Variants in NAV3 observed in about 807,000 individuals in gnomAD.
NAV3 encodes the protein neuron navigator 3.
NAV3 carries 87 observed loss-of-function variants against 244.7 expected under a neutral mutation model. The observed-to-expected ratio is 0.36, with a 90% confidence interval of 0.30 to 0.42. NAV3 has a LOEUF of 0.42. Among genes scored for constraint, NAV3 ranks in the 20% least tolerant of loss-of-function variants. NAV3 has a pLI of 1.00. For missense variants in NAV3, 2,663 were observed against 2,893.3 expected (o/e 0.92, Z 1.83); for synonymous variants, 1,126 against 1,042.2 (o/e 1.08, Z -1.55).
At chr12:77,576,379 C>A (rs12299127) in intron 2 of NAV3, among the ~76,000 whole-genome samples, 1 of 151,888 alleles carries the variant, frequency 6.6e-6, no homozygotes, top group East Asian at 1.9e-4. Flanking sequence ...TCACATGGAC[C>A]TGTTTTATTC....
chr12:77,756,133 G>T (rs1056630874), intron 2 of NAV3, among the ~76,000 whole-genome samples: 9 of 152,160 alleles, frequency 5.9e-5, no homozygotes, highest in African/African-American at 2.2e-4. Flanking sequence ...AGTGAGTGAG[G>T]ACTATATGAT....
intron 1 of NAV3, among the ~76,000 whole-genome samples, chr12:77,839,980 T>C (rs564110153): frequency 2.8e-4 from 43 of 152,100 alleles, no homozygotes; most frequent in African/African-American, 1.0e-3. Flanking sequence ...GGCTGAGGTA[T>C]GAGAATCACT....
chr12:77,573,987 A>G (rs1263862391), intron 2 of NAV3, among the ~76,000 whole-genome samples: 1 of 152,184 alleles, frequency 6.6e-6, no homozygotes, highest in Non-Finnish European at 1.5e-5. Flanking sequence ...TACTAGGCCA[A>G]CTCACACAAA....
chr12:77,932,667 T>C lies in NAV3; in HGVS notation c.244-7652T>C, dbSNP rs142068131. Among the ~76,000 whole-genome samples the C allele has an allele frequency of 4.2e-4, 64 of 152,316 alleles. No homozygotes were observed. The East Asian group carries it at 0.012, about 29-fold the overall frequency. ...ACTCTAAACTTGACTCTAAACTCCATAGCTGCACTCAAGTTCAAGTTTAGT... is the reference window on the plus strand; with the variant it reads ...ACTCTAAACTTGACTCTAAACTCCACAGCTGCACTCAAGTTCAAGTTTAGT... On this transcript the variant is annotated intron_variant, in intron 1 of 39. Coordinates refer to ENST00000397909, the MANE Select transcript of NAV3 (RefSeq NM_001024383.2).
chr12:77,890,704 A>G lies in NAV3; in HGVS notation c.244-49615A>G, dbSNP rs547931406. ...CAGAAAAATATCCAGAAATTACAAT[A>G]TAACAACTATAAAATTAGAATTTAA... On this transcript the variant is annotated intron_variant, in intron 1 of 39. Transcript: ENST00000397909. Among the ~76,000 whole-genome samples, 30 of 152,336 alleles carry G rather than the reference A, an allele frequency of 2.0e-4. 2 individuals carry two copies. The South Asian group carries it at 5.8e-3, about 29-fold the overall frequency.
chr12:77,831,239 G>T lies in NAV3; in HGVS notation c.-223G>T. 2.3e-6 allele frequency: 1 copy of T among 431,698 alleles called. No homozygotes were observed. 26.7% of individuals were successfully genotyped at this position (431,698 alleles called of 1,614,324 possible). A position where few individuals can be genotyped will look rare whatever the true frequency, so the allele number is the denominator to read the frequency against. On this transcript the variant is annotated 5_prime_UTR_variant, in exon 1 of 40. An upstream start codon of the reference 5' UTR is lost. Transcript: ENST00000397909. ...AGAGAAAGAGAGAGAGAGAGAGAAT[G>T]AGAATGAATATGAATCCCAGCCAGC...
In NAV3 at chr12:78,059,030, A is replaced by G. The variant is rs1883917953; in HGVS notation, c.2551A>G (p.Arg851Gly). Residue 851 changes from arginine (R) to glycine (G), a missense_variant, in exon 12 of 40, where the codon AGA (arginine) becomes GGA (glycine). Coordinates refer to ENST00000397909, the MANE Select transcript of NAV3 (RefSeq NM_001024383.2). ...MTDGGLNLYTRSLNRIPDTAT... is the reference protein window; with the variant it reads ...MTDGGLNLYTGSLNRIPDTAT... ...AGATGGAGGACTTAACCTATATACT[A>G]GAAGTCTGAACCGAATACCAGACAC... 1.2e-6 allele frequency: 2 copies of G among 1,610,084 alleles called. No individual in the cohort carries two copies. The highest frequency in any genetic ancestry group is 1.7e-6 in the Non-Finnish European group (2 of 1,178,050).
At chr12:78,079,922 G>A (rs1289731445) in intron 12 of NAV3, among the ~76,000 whole-genome samples, 2 of 152,174 alleles carry the variant, frequency 1.3e-5, no homozygotes, top group African/African-American at 4.8e-5. Context: ...GTTAAGCCTT[G>A]TGTTCATAAT....
At chr12:78,105,270 G>A (rs1237545455) in intron 12 of NAV3, among the ~76,000 whole-genome samples, 1 of 151,904 alleles carries the variant, frequency 6.6e-6, no homozygotes, top group African/African-American at 2.4e-5. Context: ...AGAGATATTT[G>A]GTTCAAAATC....
chr12:77,625,257 A>G (rs1020887753), intron 2 of NAV3, among the ~76,000 whole-genome samples: 9 of 152,122 alleles, frequency 5.9e-5, no homozygotes, highest in Non-Finnish European at 1.2e-4. Flanking sequence ...AACATGTTAT[A>G]TGTTTATTAT....
intron 2 of NAV3, among the ~76,000 whole-genome samples, chr12:77,623,274 A>G (rs1195119872): frequency 6.6e-6 from 1 of 152,246 alleles, no homozygotes; most frequent in Non-Finnish European, 1.5e-5. Flanking sequence ...TTTAAAAATA[A>G]GAAAGGCCTG....
intron 1 of NAV3, among the ~76,000 whole-genome samples, chr12:77,920,829 A>C (rs1418409992): frequency 6.6e-6 from 1 of 152,068 alleles, no homozygotes; most frequent in Non-Finnish European, 1.5e-5. Flanking sequence ...ATTATCAGAA[A>C]ATAATGTCAG....
chr12:77,577,578 T>C (rs141269759), intron 2 of NAV3, among the ~76,000 whole-genome samples: 106 of 152,260 alleles, frequency 7.0e-4, no homozygotes, highest in Non-Finnish European at 1.3e-3. Context: ...TCAATAGATA[T>C]AGTGAGCCTA....
At chr12:78,065,760 G>A (rs1593447402) in intron 12 of NAV3, among the ~76,000 whole-genome samples, 2 of 152,050 alleles carry the variant, frequency 1.3e-5, no homozygotes, top group East Asian at 3.9e-4. Flanking sequence ...AAAGTTGCAG[G>A]GAAGGTAAGG....
chr12:77,778,167 C>G (rs1365391448), intron 2 of NAV3, among the ~76,000 whole-genome samples: 6 of 127,516 alleles, frequency 4.7e-5, no homozygotes, highest in Non-Finnish European at 1.0e-4. Flanking sequence ...CCTCCCCTCC[C>G]CTCCTCTGCC....
rs10573795 is a variant in NAV3, at chr12:77,686,424, C to CT, written c.72+114181dup. On this transcript the variant is annotated intron_variant, in intron 2 of 8. Transcript: ENST00000550042. Reference sequence around the variant, plus strand: ...TTTCTTTTCTTTTCTTTCTTTCTTTCTTTTTTTTTTTTTTTTTTTTTTTAA... The same window carrying CT: ...TTTCTTTTCTTTTCTTTCTTTCTTTCTTTTTTTTTTTTTTTTTTTTTTTTAA... 2.4e-3 allele frequency among the ~76,000 whole-genome samples: 271 copies of CT among 113,852 alleles called. 4 individuals are homozygous for CT. The highest frequency in any genetic ancestry group is 7.7e-3 in the African/African-American group (228 of 29,616). 74.7% of individuals were successfully genotyped at this position (113,852 alleles called of 152,430 possible). A position where few individuals can be genotyped will look rare whatever the true frequency, so the allele number is the denominator to read the frequency against.
intron 23 of NAV3, among the ~76,000 whole-genome samples, chr12:78,163,066 A>G (rs986257659): frequency 1.3e-5 from 2 of 150,832 alleles, no homozygotes; most frequent in African/African-American, 4.9e-5. Flanking sequence ...TGGAAGCTAA[A>G]ACACAAAGTA....
intron 2 of NAV3, among the ~76,000 whole-genome samples, chr12:77,771,953 T>C (rs1174260977): frequency 5.3e-5 from 8 of 152,154 alleles, no homozygotes; most frequent in African/African-American, 1.9e-4. Flanking sequence ...CATTTGGATT[T>C]AGGTTATTTC....
chr12:77,968,696 A>G lies in NAV3; in HGVS notation c.665A>G (p.Gln222Arg). 1 of 1,612,496 alleles carries G rather than the reference A, an allele frequency of 6.2e-7. No individual in the cohort carries two copies. The highest frequency in any genetic ancestry group is 1.1e-5 in the South Asian group (1 of 90,796). The change falls in exon 5 of 40, where the codon CAG becomes CGG. Residue 222 changes from glutamine (Q) to arginine (R), a missense_variant. By Grantham distance (43) the Gln-to-Arg change is conservative (BLOSUM62 1). Around this residue, in one of 6 missense-constraint regions of NAV3, gnomAD observed 1,521 missense variants for 1,497.0 expected, o/e 1.02. Coordinates refer to ENST00000397909, the MANE Select transcript of NAV3 (RefSeq NM_001024383.2). ...ASQAKTQQDMQSSLAARYATQ... is the reference protein window; with the variant it reads ...ASQAKTQQDMRSSLAARYATQ... ...CAGGCCAAAACCCAGCAAGATATGC[A>G]GTCCAGGTAAGGAAAGGAAGTAGGG...
Sources: allele counts gnomAD v4.1 joint callset (sites outside exome capture counted in the v4.1 genomes callset), GRCh38; gene constraint gnomAD v4.1.1; regional missense constraint gnomAD v4.1.1; transcripts MANE v1.5; gene names NCBI Gene and HGNC (gene_info 2026-07-23, HGNC 2026-07-21).